Variants in DNM3 observed in about 807,000 individuals in gnomAD.
DNM3 encodes the protein dynamin 3, also known as dynamin-3.
DNM3 carries 47 observed loss-of-function variants against 101.6 expected under a neutral mutation model. That is an observed-to-expected ratio of 0.46 (90% CI 0.37 to 0.59). DNM3 has a LOEUF of 0.59. DNM3 is among the 20% of genes least tolerant of loss of function. The pLI is 0.00. For synonymous variants in DNM3, 385 were observed against 387.9 expected (o/e 0.99, Z 0.09); for missense variants, 849 against 1,085.7 (o/e 0.78, Z 3.06).
chr1:172,006,412 G>A (rs889269823), intron 4 of DNM3, among the ~76,000 whole-genome samples: 6 of 151,944 alleles, frequency 3.9e-5, no homozygotes, highest in African/African-American at 9.7e-5. Flanking sequence ...GTAAAAACTT[G>A]GGGTGATGAA....
chr1:172,262,847 C>A (rs1354554098), intron 15 of DNM3, among the ~76,000 whole-genome samples: 1 of 151,988 alleles, frequency 6.6e-6, no homozygotes, highest in Admixed American at 6.6e-5. Flanking sequence ...GAGGATGTGA[C>A]CTTTGGAGGT....
At chr1:172,174,726 T>C (rs912327017) in intron 14 of DNM3, among the ~76,000 whole-genome samples, 2 of 151,740 alleles carry the variant, frequency 1.3e-5, no homozygotes, top group South Asian at 2.1e-4. Flanking sequence ...ATGAATGGTA[T>C]GTAGACTGCA....
chr1:172,296,602 A>C (rs1351534739), intron 15 of DNM3, among the ~76,000 whole-genome samples: 1 of 152,186 alleles, frequency 6.6e-6, no homozygotes. Flanking sequence ...GGGGAATATT[A>C]GCAGGTGACC....
chr1:172,261,226 C>A (rs2062631305), intron 15 of DNM3, among the ~76,000 whole-genome samples: 1 of 152,186 alleles, frequency 6.6e-6, no homozygotes, highest in Non-Finnish European at 1.5e-5. Context: ...ATCTACACAT[C>A]TGGTATAACT....
chr1:171,845,730 A>G (rs149787766), intron 1 of DNM3, among the ~76,000 whole-genome samples: 218 of 152,368 alleles, frequency 1.4e-3, no homozygotes, highest in African/African-American at 5.0e-3. Flanking sequence ...AGAGAGTTTT[A>G]AAATGTAATT....
intron 13 of DNM3, among the ~76,000 whole-genome samples, chr1:172,104,997 C>G (rs1352499639): frequency 1.3e-5 from 2 of 152,164 alleles, no homozygotes; most frequent in Non-Finnish European, 2.9e-5. Context: ...TTGCATCTAC[C>G]TCTTAGAGTT....
At chr1:171,965,492 T>C (rs1472587911) in intron 2 of DNM3, among the ~76,000 whole-genome samples, 1 of 150,864 alleles carries the variant, frequency 6.6e-6, no homozygotes, top group Non-Finnish European at 1.5e-5. Flanking sequence ...AGGTTGAGGC[T>C]ATAGTGAGCC....
At chr1:172,155,238 C>T (rs1045487136) in intron 14 of DNM3, among the ~76,000 whole-genome samples, 2 of 151,258 alleles carry the variant, frequency 1.3e-5, no homozygotes, top group African/African-American at 4.9e-5. Context: ...TCATACATAC[C>T]TATGTTTAGG....
chr1:172,280,979 A>T (rs1423415123), intron 15 of DNM3, among the ~76,000 whole-genome samples: 1 of 152,218 alleles, frequency 6.6e-6, no homozygotes, highest in Non-Finnish European at 1.5e-5. Flanking sequence ...TCAGAGACAG[A>T]CAATTATGTT....
chr1:172,388,053 G>C (rs1558076145), intron 19 of DNM3, among the ~76,000 whole-genome samples: 1 of 152,100 alleles, frequency 6.6e-6, no homozygotes, highest in African/African-American at 2.4e-5. Context: ...GGCCAACATA[G>C]TGAAACCCTG....
At chr1:172,254,729 A>G (rs1300927743) in intron 15 of DNM3, among the ~76,000 whole-genome samples, 1 of 152,156 alleles carries the variant, frequency 6.6e-6, no homozygotes, top group Admixed American at 6.6e-5. Flanking sequence ...ACAGAGTGCC[A>G]TGATCTTCAC....
chr1:172,253,289 A>G (rs930913955), intron 14 of DNM3, among the ~76,000 whole-genome samples: 1 of 152,086 alleles, frequency 6.6e-6, no homozygotes, highest in South Asian at 2.1e-4. Context: ...CTTCCTGTAC[A>G]CCATTCCCCC....
At chr1:172,112,131 A>G (rs1351472701) in intron 13 of DNM3, among the ~76,000 whole-genome samples, 18 of 152,220 alleles carry the variant, frequency 1.2e-4, no homozygotes, top group Admixed American at 1.2e-3. Flanking sequence ...ATATACTCTT[A>G]TCTTCATTTC....
intron 15 of DNM3, among the ~76,000 whole-genome samples, chr1:172,256,443 T>G (rs552454194): frequency 1.3e-5 from 2 of 152,170 alleles, no homozygotes; most frequent in Non-Finnish European, 2.9e-5. Context: ...TAATTGTATT[T>G]TTTCTAGAAC....
At chr1:172,158,958 T>A (rs1427619999) in intron 14 of DNM3, among the ~76,000 whole-genome samples, 6 of 152,094 alleles carry the variant, frequency 3.9e-5, no homozygotes, top group African/African-American at 1.2e-4. Flanking sequence ...GATCTTGTTC[T>A]CTTCTTTCTG....
intron 3 of DNM3, 91 bp from the exon 4 acceptor site, chr1:171,988,854 G>A (rs1287056060): frequency 6.0e-6 from 7 of 1,174,990 alleles, no homozygotes; most frequent in Non-Finnish European, 8.4e-6. Flanking sequence ...GATACACAAA[G>A]TAGAAGGCTG....
At chr1:171,999,001 T>C (rs192193310) in intron 4 of DNM3, among the ~76,000 whole-genome samples, 1 of 152,022 alleles carries the variant, frequency 6.6e-6, no homozygotes, top group Non-Finnish European at 1.5e-5. Flanking sequence ...GTTTTGTAGA[T>C]CACAACAGAG....
chr1:172,367,674 A>G (rs2068093707), intron 17 of DNM3, among the ~76,000 whole-genome samples: 1 of 151,890 alleles, frequency 6.6e-6, no homozygotes. Flanking sequence ...AATCAAGACC[A>G]AACTATATGC....
chr1:172,331,266 G>A (rs1469808270), intron 17 of DNM3, among the ~76,000 whole-genome samples: 1 of 152,068 alleles, frequency 6.6e-6, no homozygotes, highest in Admixed American at 6.6e-5. Context: ...GATTATCAGT[G>A]AGCCATTTCA....
Sources: allele counts gnomAD v4.1 joint callset (sites outside exome capture counted in the v4.1 genomes callset), GRCh38; gene constraint gnomAD v4.1.1; transcripts MANE v1.5; gene names NCBI Gene and HGNC (gene_info 2026-07-23, HGNC 2026-07-21).